UBE3D: variants seen among roughly 807,000 people sequenced by gnomAD.
UBE3D encodes the protein E3 ubiquitin-protein ligase E3D.
Under a neutral mutation model 49.6 loss-of-function variants are expected in UBE3D, and 48 were observed. The ratio of observed to expected loss-of-function variants is 0.97; its 90% CI spans 0.77 to 1.23. The LOEUF (loss-of-function observed/expected upper bound fraction) is 1.23. Among genes scored for constraint, UBE3D ranks in the 50% most tolerant of loss-of-function variants. UBE3D has a pLI of 0.00. For synonymous variants in UBE3D, 189 were observed against 174.2 expected (o/e 1.08, Z -0.67); for missense variants, 452 against 468.4 (o/e 0.96, Z 0.32).
chr6:83,015,773 G>C (rs1489390989), intron 8 of UBE3D, among the ~76,000 whole-genome samples: 10 of 152,140 alleles, frequency 6.6e-5, no homozygotes, highest in Non-Finnish European at 1.5e-4. Flanking sequence ...CTGCCTCAGG[G>C]GAGGCCATAA....
chr6:82,910,012 T>A lies in UBE3D; in HGVS notation c.1150-16970A>T, dbSNP rs190967410. Reference sequence around the variant, plus strand: ...TTCAAATGCTCCAGCTTTATGTTCATCATCGATTAAACACTTGAATTTGTG... The same window carrying A: ...TTCAAATGCTCCAGCTTTATGTTCAACATCGATTAAACACTTGAATTTGTG... On this transcript the variant is annotated intron_variant, in intron 9 of 9. Transcript: ENST00000369747. 3.6e-4 allele frequency among the ~76,000 whole-genome samples: 55 copies of A among 152,314 alleles called. 1 individual carries two copies. Among genetic ancestry groups the A allele is most frequent in the Admixed American group, 3.3e-3 (51 of 15,292 alleles).
At chr6:82,985,446 T>A (rs1445844625) in intron 8 of UBE3D, among the ~76,000 whole-genome samples, 1 of 152,008 alleles carries the variant, frequency 6.6e-6, no homozygotes, top group Non-Finnish European at 1.5e-5. Context: ...CACTACAACC[T>A]CTGCCTCCCA....
At chr6:82,946,002 C>T (rs574307559) in intron 9 of UBE3D, among the ~76,000 whole-genome samples, 1 of 152,086 alleles carries the variant, frequency 6.6e-6, no homozygotes, top group East Asian at 1.9e-4. Context: ...AGCATACATA[C>T]AAGATCTAGA....
intron 8 of UBE3D, among the ~76,000 whole-genome samples, chr6:82,961,657 C>T (rs1356029684): frequency 1.3e-5 from 2 of 152,218 alleles, no homozygotes; most frequent in Non-Finnish European, 2.9e-5. Context: ...CTAATGCCTA[C>T]TTCTTCTGCA....
intron 8 of UBE3D, among the ~76,000 whole-genome samples, chr6:82,976,712 T>C (rs894733078): frequency 3.3e-5 from 5 of 152,278 alleles, no homozygotes; most frequent in Admixed American, 1.3e-4. Flanking sequence ...CTCTATTGTC[T>C]TGGAAGCATT....
intron 8 of UBE3D, among the ~76,000 whole-genome samples, chr6:83,001,714 C>G (rs1310519413): frequency 2.0e-5 from 3 of 152,162 alleles, no homozygotes; most frequent in Admixed American, 6.5e-5. Context: ...TTACCTGAAT[C>G]TCTGAAGAGC....
intron 5 of UBE3D, among the ~76,000 whole-genome samples, chr6:83,029,617 CATT>C (rs1202949448): frequency 4.6e-5 from 7 of 152,106 alleles, no homozygotes; most frequent in Non-Finnish European, 7.4e-5. Flanking sequence ...GAGTATGAAA[CATT>C]ATTTTCTGTT....
intron 8 of UBE3D, among the ~76,000 whole-genome samples, chr6:82,994,454 TA>T (rs1326676722): frequency 6.6e-6 from 1 of 152,060 alleles, no homozygotes; most frequent in Non-Finnish European, 1.5e-5. Context: ...AAAGCAGGGT[TA>T]GGGAAAGAAA....
chr6:82,901,185 AT>A (rs1325406632), intron 9 of UBE3D, among the ~76,000 whole-genome samples: 2 of 152,034 alleles, frequency 1.3e-5, no homozygotes, highest in Non-Finnish European at 2.9e-5. Flanking sequence ...TGTAATATGT[AT>A]TGTGGTAATT....
intron 4 of UBE3D, among the ~76,000 whole-genome samples, chr6:83,039,102 C>G (rs1405774469): frequency 2.6e-5 from 4 of 152,198 alleles, no homozygotes; most frequent in Admixed American, 1.3e-4. Flanking sequence ...ATTTGAGATA[C>G]AGATTAAAAT....
At chr6:83,015,908 G>A (rs1780665332) in intron 8 of UBE3D, among the ~76,000 whole-genome samples, 1 of 152,130 alleles carries the variant, frequency 6.6e-6, no homozygotes, top group Non-Finnish European at 1.5e-5. Context: ...TGTTTCTTCT[G>A]GCAAGAAAGT....
chr6:83,044,663 G>A lies in UBE3D; in HGVS notation c.366-4C>T, dbSNP rs749854146. ...TGGGAGCACCCTGAGGAGCTTCCTAGTGGAAAGAGGAAAAATCATTTTTCA... is the reference window on the plus strand; with the variant it reads ...TGGGAGCACCCTGAGGAGCTTCCTAATGGAAAGAGGAAAAATCATTTTTCA... On this transcript the variant is annotated splice_region_variant and splice_polypyrimidine_tract_variant and intron_variant, in intron 3 of 9. Coordinates refer to ENST00000369747, the MANE Select transcript of UBE3D (RefSeq NM_198920.3). The A allele has an allele frequency of 5.0e-6, 8 of 1,601,906 alleles. No homozygotes were observed. Among genetic ancestry groups the A allele is most frequent in the Non-Finnish European group, 6.0e-6 (7 of 1,172,194 alleles).
chr6:83,002,612 G>A (rs1779709141), intron 8 of UBE3D, among the ~76,000 whole-genome samples: 1 of 152,228 alleles, frequency 6.6e-6, no homozygotes, highest in African/African-American at 2.4e-5. Flanking sequence ...TTGAACACAG[G>A]AGGCAGACGT....
At chr6:83,006,416 G>A (rs899962345) in intron 8 of UBE3D, among the ~76,000 whole-genome samples, 15 of 152,086 alleles carry the variant, frequency 9.9e-5, no homozygotes, top group Non-Finnish European at 1.5e-4. Context: ...ATTAAATGAG[G>A]TCATAAAGAT....
intron 8 of UBE3D, among the ~76,000 whole-genome samples, chr6:82,990,807 A>G (rs1329384578): frequency 6.6e-6 from 1 of 152,108 alleles, no homozygotes; most frequent in East Asian, 1.9e-4. Context: ...CCCTTTATAT[A>G]AATACTGAAG....
intron 5 of UBE3D, among the ~76,000 whole-genome samples, chr6:83,028,604 T>C (rs1781648345): frequency 1.3e-5 from 2 of 152,168 alleles, no homozygotes; most frequent in South Asian, 4.1e-4. Flanking sequence ...GTTCTAATTT[T>C]AGAGAATGGG....
At chr6:82,975,876 G>T (rs1040464674) in intron 8 of UBE3D, among the ~76,000 whole-genome samples, 4 of 152,064 alleles carry the variant, frequency 2.6e-5, no homozygotes, top group Non-Finnish European at 5.9e-5. Context: ...GCTATTAATA[G>T]AATTCTTTTC....
intron 9 of UBE3D, among the ~76,000 whole-genome samples, chr6:82,903,944 C>T (rs540007768): frequency 5.3e-5 from 8 of 152,170 alleles, no homozygotes; most frequent in African/African-American, 9.6e-5. Flanking sequence ...AGGCAAAGGG[C>T]GTTCTTTTAT....
rs556895577 is a variant in UBE3D at position 82,935,613 on chromosome 6, T to A, written c.1149+21699A>T. On this transcript the variant is annotated intron_variant, in intron 9 of 9. Coordinates refer to ENST00000369747, the MANE Select transcript of UBE3D (RefSeq NM_198920.3). ...TTTTTAAAACTCCACACTGAAGACATCACTGTAAATCTATAGTATATCAAG... is the reference window on the plus strand; with the variant it reads ...TTTTTAAAACTCCACACTGAAGACAACACTGTAAATCTATAGTATATCAAG... 2.0e-5 allele frequency among the ~76,000 whole-genome samples: 3 copies of A among 152,240 alleles called. No individual in the cohort carries two copies. The South Asian group carries it at 6.2e-4, about 32-fold the overall frequency.
Sources: allele counts gnomAD v4.1 joint callset (sites outside exome capture counted in the v4.1 genomes callset), GRCh38; gene constraint gnomAD v4.1.1; transcripts MANE v1.5; gene names NCBI Gene and HGNC (gene_info 2026-07-23, HGNC 2026-07-21).